Variants in GAS7 observed in about 807,000 individuals in gnomAD.
The protein encoded by GAS7 is growth arrest specific 7, also known as growth arrest-specific protein 7.
A neutral mutation model predicts 71.1 loss-of-function variants in GAS7; 28 were observed. The ratio of observed to expected loss-of-function variants is 0.39; its 90% CI spans 0.29 to 0.54. GAS7 has a LOEUF of 0.54. Ranked by LOEUF, GAS7 falls within the 20% of genes least tolerant of loss-of-function variation. GAS7 has a pLI of 0.62. For synonymous variants in GAS7, 258 were observed against 245.8 expected, an observed-to-expected ratio of 1.05 and a Z score of -0.46; for missense variants, 436 against 627.8, an observed-to-expected ratio of 0.69 and a Z score of 3.27.
At chr17:10,046,210 G>A (rs1181806055) in intron 1 of GAS7, among the ~76,000 whole-genome samples, 1 of 152,040 alleles carries the variant, frequency 6.6e-6, no homozygotes, top group Non-Finnish European at 1.5e-5. Flanking sequence ...ACGGTACCCG[G>A]CGTGTGACTG....
intron 2 of GAS7, 35 bp downstream of exon 2, chr17:10,019,742 G>C (rs1457449531): frequency 6.3e-7 from 1 of 1,591,252 alleles, no homozygotes; most frequent in Non-Finnish European, 8.6e-7. Context: ...AATGCCAGGG[G>C]GTTGGTGCAG....
At chr17:10,005,157 G>GCATACATGCATGTGTA (rs1567880028) in intron 2 of GAS7, among the ~76,000 whole-genome samples, 86 of 88,424 alleles carry the variant, frequency 9.7e-4, no homozygotes, top group African/African-American at 2.2e-3. Flanking sequence ...ATGCATGCAT[G>GCATACATGCATGTGTA]TGTGTGCGCA....
intron 1 of GAS7, among the ~76,000 whole-genome samples, chr17:10,133,122 A>ATATATATATATT (rs1392845338): frequency 8.4e-6 from 1 of 118,888 alleles, no homozygotes; most frequent in African/African-American, 3.0e-5. Flanking sequence ...ATATTTTTAT[A>ATATATATATATT]TTTTTTTTTT....
At chr17:10,059,718 A>T in intron 1 of GAS7, 1 of 985,394 alleles carries the variant, frequency 1.0e-6, no homozygotes, top group Non-Finnish European at 1.2e-6. Flanking sequence ...GTCCTTATGC[A>T]AATCTGACAC....
chr17:9,994,876 C>G (rs969449877), intron 2 of GAS7, among the ~76,000 whole-genome samples: 1 of 152,166 alleles, frequency 6.6e-6, no homozygotes, highest in Non-Finnish European at 1.5e-5. Context: ...ATCTTAAGCC[C>G]CTGAGGGCCA....
intron 1 of GAS7, among the ~76,000 whole-genome samples, chr17:10,190,949 G>T (rs2074494005): frequency 6.6e-6 from 1 of 152,044 alleles, no homozygotes; most frequent in Admixed American, 6.5e-5. Flanking sequence ...GCCAAGGCAG[G>T]TGGATCACCT....
At chr17:10,133,042 C>G in intron 1 of GAS7, among the ~76,000 whole-genome samples, 1 of 151,842 alleles carries the variant, frequency 6.6e-6, no homozygotes, top group East Asian at 1.9e-4. Flanking sequence ...GACAGACCAA[C>G]TCTCTCACAT....
intron 1 of GAS7, among the ~76,000 whole-genome samples, chr17:10,141,215 C>A (rs34185841): frequency 0.2 from 29,721 of 152,158 alleles, 3,138 homozygotes; most frequent in African/African-American, 0.25. Context: ...TTTGAGAGGC[C>A]GAGGCAGGAG....
intron 1 of GAS7, 182 bp from the exon 2 acceptor site, chr17:10,020,079 A>T (rs553119391): frequency 1.7e-6 from 1 of 597,750 alleles, no homozygotes; most frequent in East Asian, 2.8e-5. Context: ...GAGCATGAGC[A>T]GTGAGAAGCA....
Position 9,959,388 on chromosome 17 carries a change from T to C in GAS7, c.472-133A>G, listed in dbSNP as rs1339321081. 2 of 1,517,274 alleles carry C rather than the reference T, an allele frequency of 1.3e-6. No individual in the cohort carries two copies. The highest frequency in any genetic ancestry group is 1.8e-6 in the Non-Finnish European group (2 of 1,128,742). 94.0% of individuals were successfully genotyped at this position (1,517,274 alleles called of 1,614,324 possible). A position where few individuals can be genotyped will look rare whatever the true frequency, so the allele number is the denominator to read the frequency against. ...CAGTCTGAATCCTAAGTCACCATATTCTGGGCCAGGGCAAGCAGGGGTCTC... is the reference window on the plus strand; with the variant it reads ...CAGTCTGAATCCTAAGTCACCATATCCTGGGCCAGGGCAAGCAGGGGTCTC... On this transcript the variant is annotated intron_variant, in intron 4 of 13. Coordinates refer to ENST00000432992, the MANE Select transcript of GAS7 (RefSeq NM_201433.2). This position sits in a 1 kb window ranked among gnomAD's most constrained non-coding sequence, Gnocchi z 5.0.
chr17:9,985,136 C>T (rs2070594520), intron 2 of GAS7, among the ~76,000 whole-genome samples: 1 of 152,178 alleles, frequency 6.6e-6, no homozygotes, highest in East Asian at 1.9e-4. Context: ...GATGCCCCTC[C>T]ATCACGTTCC....
intron 1 of GAS7, among the ~76,000 whole-genome samples, chr17:10,078,577 G>A (rs1179922896): frequency 6.6e-6 from 1 of 152,158 alleles, no homozygotes; most frequent in African/African-American, 2.4e-5. Flanking sequence ...ATAAACACCA[G>A]ACCCTGATAT....
intron 1 of GAS7, among the ~76,000 whole-genome samples, chr17:10,057,353 C>G (rs1006072853): frequency 6.6e-6 from 1 of 151,656 alleles, no homozygotes; most frequent in African/African-American, 2.4e-5. Context: ...AGTGAGGAGC[C>G]TCTCTGCCCG....
chr17:9,929,531 A>G (rs1254107182), intron 9 of GAS7, among the ~76,000 whole-genome samples: 1 of 151,974 alleles, frequency 6.6e-6, no homozygotes, highest in Admixed American at 6.6e-5. Flanking sequence ...CTGGAGTGCA[A>G]TGGCGCAATC....
chr17:9,952,347 C>G (rs1439266039), intron 5 of GAS7, among the ~76,000 whole-genome samples: 1 of 152,036 alleles, frequency 6.6e-6, no homozygotes, highest in African/African-American at 2.4e-5. Context: ...GAGCCCTGCT[C>G]TTAAGATCCT....
At chr17:10,177,941 G>A (rs149463795) in intron 1 of GAS7, among the ~76,000 whole-genome samples, 1 of 152,088 alleles carries the variant, frequency 6.6e-6, no homozygotes, top group Non-Finnish European at 1.5e-5. Context: ...CCAGAACACC[G>A]GCCGCATTAG....
chr17:10,035,548 C>T (rs2072728240), intron 1 of GAS7, among the ~76,000 whole-genome samples: 2 of 152,140 alleles, frequency 1.3e-5, no homozygotes, highest in Non-Finnish European at 2.9e-5. Flanking sequence ...ATGCCAGAAT[C>T]AGAGATGCTG....
At chr17:9,996,903 G>C (rs1238900794) in intron 2 of GAS7, among the ~76,000 whole-genome samples, 1 of 152,070 alleles carries the variant, frequency 6.6e-6, no homozygotes, top group Non-Finnish European at 1.5e-5. Context: ...GCCTCCCAAA[G>C]TGCTGGGATT....
At chr17:10,161,086 T>TTTTG (rs527750170) in intron 1 of GAS7, among the ~76,000 whole-genome samples, 1 of 152,142 alleles carries the variant, frequency 6.6e-6, no homozygotes, top group Non-Finnish European at 1.5e-5. Context: ...CGCGGCTCCG[T>TTTTG]TTTGTTTGTT....
Sources: allele counts gnomAD v4.1 joint callset (sites outside exome capture counted in the v4.1 genomes callset), GRCh38; gene constraint gnomAD v4.1.1; non-coding constraint Gnocchi (gnomAD v3.1); transcripts MANE v1.5; gene names NCBI Gene and HGNC (gene_info 2026-07-23, HGNC 2026-07-21).